The following CALN1 variants were observed in gnomAD, a reference collection of about 807,000 sequenced individuals.
CALN1 encodes calneuron 1, also known as calcium-binding protein 8.
Under a neutral mutation model 30.6 loss-of-function variants are expected in CALN1, and 17 were observed. The ratio of observed to expected loss-of-function variants is 0.56; its 90% CI spans 0.38 to 0.83. The LOEUF is 0.83. CALN1 is among the 40% of genes least tolerant of loss of function. The probability of loss-of-function intolerance (pLI) is 0.00; values close to 1 mark genes in which losing one functional copy is unlikely to be tolerated. For missense variants in CALN1, 291 were observed against 354.9 expected, an observed-to-expected ratio of 0.82 and a Z score of 1.45; for synonymous variants, 156 against 131.4, an observed-to-expected ratio of 1.19 and a Z score of -1.28.
At chr7:71,895,827 G>C (rs1793502829) in intron 5 of CALN1, among the ~76,000 whole-genome samples, 1 of 152,102 alleles carries the variant, frequency 6.6e-6, no homozygotes, top group East Asian at 1.9e-4. Context: ...AAGTAATGTG[G>C]AACTATCACT....
intron 5 of CALN1, among the ~76,000 whole-genome samples, chr7:71,810,984 T>G (rs2116203775): frequency 6.7e-6 from 1 of 149,388 alleles, no homozygotes; most frequent in Middle Eastern, 3.4e-3. Context: ...CAACCTCGCC[T>G]CCCGAGTTCA....
chr7:71,785,201 G>T lies in CALN1; in HGVS notation c.*2574C>A, dbSNP rs1792922639. 4.2e-6 allele frequency: 1 copy of T among 236,228 alleles called. No homozygotes were observed. The highest frequency in any genetic ancestry group is 2.2e-5 in the African/African-American group (1 of 44,574). The allele number at this position is 236,228 out of a possible 1,614,324, so 14.6% of individuals were successfully genotyped here. On this transcript the variant is annotated 3_prime_UTR_variant, in exon 7 of 7. Coordinates refer to ENST00000395275, the MANE Select transcript of CALN1 (RefSeq NM_031468.4). ...CCATCTCTCTCTAGCAGTCTGCAGAGGAATGCATTCTCCTAGATTTTCCCC... is the reference window on the plus strand; with the variant it reads ...CCATCTCTCTCTAGCAGTCTGCAGATGAATGCATTCTCCTAGATTTTCCCC...
At chr7:72,250,318 G>A (rs1219341734) in intron 3 of CALN1, among the ~76,000 whole-genome samples, 1 of 152,154 alleles carries the variant, frequency 6.6e-6, no homozygotes, top group Non-Finnish European at 1.5e-5. Flanking sequence ...CTAGCTGTGT[G>A]ACCTTGAGGC....
chr7:72,338,125 T>C (rs1239549347), intron 2 of CALN1, among the ~76,000 whole-genome samples: 1 of 152,192 alleles, frequency 6.6e-6, no homozygotes, highest in African/African-American at 2.4e-5. Flanking sequence ...GACTGTCCCG[T>C]AGACAGATTA....
At chr7:71,861,777 CAAAAAAAAAAAA>C (rs35793572) in intron 5 of CALN1, among the ~76,000 whole-genome samples, 10 of 74,710 alleles carry the variant, frequency 1.3e-4, no homozygotes, top group Admixed American at 1.8e-4. Flanking sequence ...CAACTCTATC[CAAAAAAAAAAAA>C]AAAAAAAAAA....
intron 4 of CALN1, among the ~76,000 whole-genome samples, chr7:72,078,607 G>T (rs765819385): frequency 6.6e-6 from 1 of 152,132 alleles, no homozygotes; most frequent in Non-Finnish European, 1.5e-5. Flanking sequence ...GAGAGGAACC[G>T]AGAAGGGCCC....
intron 5 of CALN1, among the ~76,000 whole-genome samples, chr7:71,968,098 ACT>A (rs1797618019): frequency 2.0e-5 from 3 of 152,200 alleles, no homozygotes; most frequent in Admixed American, 2.0e-4. Flanking sequence ...ATTTATAGCG[ACT>A]CTATTCATAG....
chr7:72,053,528 CAT>C (rs1802975065), intron 4 of CALN1, among the ~76,000 whole-genome samples: 1 of 152,192 alleles, frequency 6.6e-6, no homozygotes, highest in South Asian at 2.1e-4. Flanking sequence ...CTCCCACCAA[CAT>C]ATATGAGTGT....
chr7:72,079,716 C>T (rs568297873), intron 4 of CALN1, among the ~76,000 whole-genome samples: 1 of 151,192 alleles, frequency 6.6e-6, no homozygotes, highest in Non-Finnish European at 1.5e-5. Context: ...AAACCACTGG[C>T]CCTTCAACTA....
intron 2 of CALN1, among the ~76,000 whole-genome samples, chr7:72,369,051 G>C (rs566667817): frequency 4.6e-4 from 70 of 151,496 alleles, no homozygotes; most frequent in African/African-American, 1.6e-3. Flanking sequence ...CTGACCTCAA[G>C]TGATCTGCCC....
chr7:72,160,853 C>T (rs78933594), intron 3 of CALN1, among the ~76,000 whole-genome samples: 2,208 of 152,294 alleles, frequency 0.014, 22 homozygotes, highest in Non-Finnish European at 0.02. Flanking sequence ...GCAGCACTGT[C>T]CCCAAGCTAG....
chr7:71,888,640 C>T (rs1327106749), intron 5 of CALN1, among the ~76,000 whole-genome samples: 2 of 152,032 alleles, frequency 1.3e-5, no homozygotes, highest in Non-Finnish European at 2.9e-5. Flanking sequence ...GTGAAGGGAA[C>T]AGAAAGCATA....
At chr7:71,806,570 G>C (rs1787635311) in intron 6 of CALN1, among the ~76,000 whole-genome samples, 2 of 152,194 alleles carry the variant, frequency 1.3e-5, no homozygotes, top group South Asian at 4.1e-4. Context: ...CCCTCCCAAA[G>C]GGATGGGATT....
intron 5 of CALN1, among the ~76,000 whole-genome samples, chr7:71,972,489 A>G (rs191854858): frequency 1.3e-5 from 2 of 152,290 alleles, no homozygotes; most frequent in African/African-American, 4.8e-5. Context: ...GAGAGCGTGC[A>G]ATACTTCCAC....
intron 2 of CALN1, among the ~76,000 whole-genome samples, chr7:72,308,965 T>C (rs1799853625): frequency 6.6e-6 from 1 of 152,220 alleles, no homozygotes; most frequent in Non-Finnish European, 1.5e-5. Flanking sequence ...CACTATGTGC[T>C]AGGCAATTCT....
chr7:72,272,995 A>G (rs1797095108), intron 3 of CALN1, among the ~76,000 whole-genome samples: 1 of 151,724 alleles, frequency 6.6e-6, no homozygotes, highest in Non-Finnish European at 1.5e-5. Context: ...AACAAACAAC[A>G]TAGATGGAGA....
At chr7:72,283,748 T>C (rs1450917254) in intron 2 of CALN1, among the ~76,000 whole-genome samples, 1 of 152,196 alleles carries the variant, frequency 6.6e-6, no homozygotes, top group Non-Finnish European at 1.5e-5. Flanking sequence ...GAGGCTGGCA[T>C]GTAAACCACT....
At chr7:72,154,920 G>A (rs1038078386) in intron 3 of CALN1, among the ~76,000 whole-genome samples, 1 of 151,842 alleles carries the variant, frequency 6.6e-6, no homozygotes, top group Non-Finnish European at 1.5e-5. Flanking sequence ...AGCTGGGCAT[G>A]GTGGTGTGTG....
At chr7:72,182,545 C>A (rs1346073407) in intron 3 of CALN1, among the ~76,000 whole-genome samples, 2 of 152,014 alleles carry the variant, frequency 1.3e-5, no homozygotes, top group African/African-American at 4.8e-5. Flanking sequence ...CATGGTGAAA[C>A]CCTGTCTCTA....
Sources: allele counts gnomAD v4.1 joint callset (sites outside exome capture counted in the v4.1 genomes callset), GRCh38; gene constraint gnomAD v4.1.1; transcripts MANE v1.5; gene names NCBI Gene and HGNC (gene_info 2026-07-23, HGNC 2026-07-21).